GYPC: variants seen among roughly 807,000 people sequenced by gnomAD.
GYPC encodes the protein glycophorin C (Gerbich blood group).
GYPC carries 14 observed loss-of-function variants against 12.6 expected under a neutral mutation model. That is an observed-to-expected ratio of 1.11 (90% CI 0.74 to 1.74). GYPC has a LOEUF of 1.74. GYPC is among the 40% of genes most tolerant of loss of function. GYPC has a pLI of 0.00. For synonymous variants in GYPC, 78 were observed against 62.1 expected, an observed-to-expected ratio of 1.26 and a Z score of -1.20; for missense variants, 225 against 172.1, an observed-to-expected ratio of 1.31 and a Z score of -1.72.
Position 126,693,888 on chromosome 2 carries a change from G to T in GYPC, c.131G>T (p.Trp44Leu). The T allele has an allele frequency of 1.2e-6, 2 of 1,611,968 alleles. No individual in the cohort carries two copies. The change falls in exon 3 of 4, where the codon TGG becomes TTG. Residue 44 changes from tryptophan (W) to leucine (L), a missense_variant. Physicochemically the swap from Trp to Leu is moderately conservative, Grantham distance 61 (BLOSUM62 -2). Transcript: ENST00000259254. ...IAEPDPGMSG[W>L]PDGRMETSTP... is the part of the protein sequence containing the mutation. ...GAGCCTGATCCAGGGATGTCTGGATGGCCGGATGGCAGAATGGAGACCTCC... is the reference window on the plus strand; with the variant it reads ...GAGCCTGATCCAGGGATGTCTGGATTGCCGGATGGCAGAATGGAGACCTCC...
intron 3 of GYPC, among the ~76,000 whole-genome samples, chr2:126,694,251 AG>A (rs1683575169): frequency 6.6e-6 from 1 of 152,060 alleles, no homozygotes. Context: ...AGGTGAGATG[AG>A]GGTAGACTGA....
At chr2:126,695,912 T>A in intron 3 of GYPC, 34 bp from the exon 4 acceptor site, 4 of 1,593,290 alleles carry the variant, frequency 2.5e-6, no homozygotes, top group Non-Finnish European at 2.6e-6. Flanking sequence ...AGCCCCTGCC[T>A]CAGACTGACC....
intron 1 of GYPC, among the ~76,000 whole-genome samples, chr2:126,663,335 C>T (rs563270761): frequency 6.6e-6 from 1 of 152,190 alleles, no homozygotes; most frequent in African/African-American, 2.4e-5. Context: ...CACGCCCAGC[C>T]TCCTTCATGT....
chr2:126,661,096 C>T (rs1157034959), intron 1 of GYPC, among the ~76,000 whole-genome samples: 1 of 152,218 alleles, frequency 6.6e-6, no homozygotes, highest in African/African-American at 2.4e-5. Context: ...CTGGCAAGAG[C>T]CCATTTCCCA....
In GYPC at chr2:126,665,408, T is replaced by G. The variant is rs546370725; in HGVS notation, c.49+9096T>G. On this transcript the variant is annotated intron_variant, in intron 1 of 3. Coordinates refer to ENST00000259254, the MANE Select transcript of GYPC (RefSeq NM_002101.5). The stretch of plus-strand genomic sequence containing the variant: ...TCGCATATAGGAAAACTATCATGTA[T>G]GTAAGGTTCAGTCGTATCTCTGGTT... 2.5e-3 allele frequency among the ~76,000 whole-genome samples: 384 copies of G among 152,358 alleles called. 1 individual carries two copies. Among genetic ancestry groups the G allele is most frequent in the Non-Finnish European group, 3.6e-3 (248 of 68,040 alleles).
intron 1 of GYPC, among the ~76,000 whole-genome samples, chr2:126,672,100 G>A (rs12990356): frequency 0.11 from 17,371 of 152,188 alleles, 1,138 homozygotes; most frequent in African/African-American, 0.18. Flanking sequence ...AGGTAACTGA[G>A]AGATGCAGGT....
chr2:126,665,445 CTGG>C (rs1318207862), intron 1 of GYPC, among the ~76,000 whole-genome samples: 2 of 152,234 alleles, frequency 1.3e-5, no homozygotes, highest in Non-Finnish European at 2.9e-5. Flanking sequence ...CAGGCATCCG[CTGG>C]GGGTCTTGGA....
intron 1 of GYPC, chr2:126,678,711 G>C (rs969096426): frequency 1.3e-5 from 2 of 152,300 alleles, no homozygotes; most frequent in East Asian, 1.9e-4. Context: ...GTTGTCTCTG[G>C]GCCACTTTGG....
chr2:126,657,794 G>A (rs1682407447), intron 1 of GYPC: 1 of 152,424 alleles, frequency 6.6e-6, no homozygotes, highest in South Asian at 2.1e-4. Flanking sequence ...ACTTGCCTTG[G>A]GAGACAAACA....
intron 1 of GYPC, among the ~76,000 whole-genome samples, chr2:126,668,420 T>G (rs1322625573): frequency 6.6e-6 from 1 of 152,144 alleles, no homozygotes; most frequent in African/African-American, 2.4e-5. Flanking sequence ...GGTCACTGTT[T>G]GCTCTCAGGG....
rs111311811 is a variant in GYPC at position 126,681,742 on chromosome 2, G to T, written c.50-8513G>T. Among the ~76,000 whole-genome samples, 570 of 147,098 alleles carry T rather than the reference G, an allele frequency of 3.9e-3. 4 individuals carry two copies. The highest frequency in any genetic ancestry group is 0.014 in the African/African-American group (539 of 39,516). ...TGCAGTGAGCCAAGATTGCGCCATT[G>T]CACTCCAGCCTGGGCAACAGAGCAA... On this transcript the variant is annotated intron_variant, in intron 1 of 3. Transcript: ENST00000259254.
chr2:126,690,370 C>A, intron 2 of GYPC, 59 bp downstream of exon 2: 1 of 1,245,644 alleles, frequency 8.0e-7, no homozygotes, highest in Non-Finnish European at 1.2e-6. Context: ...CAGATGAGCT[C>A]TCATCACAGA....
At chr2:126,669,785 A>G (rs891678877) in intron 1 of GYPC, among the ~76,000 whole-genome samples, 3 of 151,920 alleles carry the variant, frequency 2.0e-5, no homozygotes, top group Non-Finnish European at 4.4e-5. Context: ...TTTCCCGCTC[A>G]TGGGCACTTC....
intron 1 of GYPC, 30 bp downstream of exon 1, chr2:126,656,342 G>A (rs1431081045): frequency 2.6e-6 from 4 of 1,557,678 alleles, no homozygotes; most frequent in East Asian, 2.4e-5. Flanking sequence ...AAGGGTCCTG[G>A]GGACCCACTG....
intron 3 of GYPC, 96 bp from the exon 4 acceptor site, chr2:126,695,850 T>C (rs1333139243): frequency 1.1e-6 from 1 of 901,372 alleles, no homozygotes; most frequent in East Asian, 2.4e-5. Flanking sequence ...TGTGGCATTG[T>C]ATCTGTCCTC....
At chr2:126,666,304 C>T (rs746355736) in intron 1 of GYPC, among the ~76,000 whole-genome samples, 5 of 152,304 alleles carry the variant, frequency 3.3e-5, no homozygotes, top group Non-Finnish European at 5.9e-5. Flanking sequence ...ATGCCTCCAC[C>T]GTGGAACCAC....
intron 1 of GYPC, among the ~76,000 whole-genome samples, chr2:126,677,304 TGA>T (rs1283375627): frequency 2.0e-5 from 3 of 151,272 alleles, no homozygotes; most frequent in African/African-American, 4.9e-5. Context: ...TTAGAGTGTG[TGA>T]GTGTGTGTGA....
chr2:126,675,231 C>T (rs555633524), intron 1 of GYPC, among the ~76,000 whole-genome samples: 1 of 152,286 alleles, frequency 6.6e-6, no homozygotes, highest in East Asian at 1.9e-4. Flanking sequence ...GCATCCATCT[C>T]GTGGATTCCT....
intron 1 of GYPC, among the ~76,000 whole-genome samples, chr2:126,682,711 C>T (rs896500235): frequency 3.9e-5 from 6 of 152,214 alleles, no homozygotes; most frequent in Admixed American, 3.9e-4. Flanking sequence ...TTCAGGGCAG[C>T]TTTCTGCTTC....
Sources: allele counts gnomAD v4.1 joint callset (sites outside exome capture counted in the v4.1 genomes callset), GRCh38; gene constraint gnomAD v4.1.1; transcripts MANE v1.5; gene names NCBI Gene and HGNC (gene_info 2026-07-23, HGNC 2026-07-21).